AUH: variants seen among roughly 807,000 people sequenced by gnomAD.
AUH encodes the protein methylglutaconyl-CoA hydratase, mitochondrial.
AUH carries 29 observed loss-of-function variants against 42.3 expected under a neutral mutation model. The observed-to-expected ratio is 0.69, with a 90% confidence interval of 0.51 to 0.93. AUH has a LOEUF of 0.93. AUH is among the 40% of genes least tolerant of loss of function. The pLI, the probability that AUH is intolerant of heterozygous loss-of-function variation, is 0.00. For missense variants in AUH, 452 were observed against 438.1 expected (o/e 1.03, Z -0.28); for synonymous variants, 174 against 166.4 (o/e 1.05, Z -0.35).
chr9:91,295,061 A>G (rs1298431190), intron 6 of AUH, among the ~76,000 whole-genome samples: 1 of 152,162 alleles, frequency 6.6e-6, no homozygotes, highest in African/African-American at 2.4e-5. Context: ...GTGGTGAATA[A>G]GTCTCAGGAA....
At chr9:91,289,074 A>G (rs1190834532) in intron 6 of AUH, among the ~76,000 whole-genome samples, 2 of 152,214 alleles carry the variant, frequency 1.3e-5, no homozygotes, top group Non-Finnish European at 2.9e-5. Context: ...AATCAATAGC[A>G]TCACATTAAT....
chr9:91,275,946 A>ATT (rs1825505071), intron 6 of AUH, among the ~76,000 whole-genome samples: 3 of 152,198 alleles, frequency 2.0e-5, no homozygotes, highest in African/African-American at 2.4e-5. Context: ...AAGATAGAGC[A>ATT]ATCTATCCTT....
intron 6 of AUH, among the ~76,000 whole-genome samples, chr9:91,246,334 C>G (rs1192655175): frequency 6.6e-6 from 1 of 152,200 alleles, no homozygotes; most frequent in Non-Finnish European, 1.5e-5. Flanking sequence ...ACAAGACAGG[C>G]CAGCCTCCCC....
chr9:91,272,109 T>C (rs924951011), intron 6 of AUH, among the ~76,000 whole-genome samples: 5 of 152,238 alleles, frequency 3.3e-5, no homozygotes, highest in South Asian at 2.1e-4. Context: ...CCCCTGGAAA[T>C]TGTGTTATTC....
intron 1 of AUH, chr9:91,357,420 C>A: frequency 1.2e-6 from 1 of 849,166 alleles, no homozygotes; most frequent in Non-Finnish European, 1.4e-6. Context: ...TCAGTTTCCT[C>A]AGGAAGAAAA....
intron 6 of AUH, 147 bp downstream of exon 6, chr9:91,295,874 T>C: frequency 1.1e-6 from 1 of 884,678 alleles, no homozygotes; most frequent in Non-Finnish European, 1.8e-6. Flanking sequence ...TGCCTGTAAC[T>C]TGAATGGGGA....
rs1349833298 is a variant in AUH at position 91,266,978 on chromosome 9, G to A, written c.655+29043C>T. ...TGTGTATGTTATATTTTGGTGAGAAGTCTGAGAAGCACAAAGCTACTCAGG... is the reference window on the plus strand; with the variant it reads ...TGTGTATGTTATATTTTGGTGAGAAATCTGAGAAGCACAAAGCTACTCAGG... On this transcript the variant is annotated intron_variant, in intron 6 of 9. Transcript: ENST00000375731. Among the ~76,000 whole-genome samples, 4 of 152,304 alleles carry A rather than the reference G, an allele frequency of 2.6e-5. No homozygotes were observed. In the East Asian group the frequency reaches 7.7e-4, roughly 29 times the overall value.
intron 4 of AUH, among the ~76,000 whole-genome samples, chr9:91,300,785 A>G (rs1397902597): frequency 6.6e-6 from 1 of 152,170 alleles, no homozygotes; most frequent in East Asian, 1.9e-4. Flanking sequence ...AACAGCTCCA[A>G]AAGTCTCCAT....
intron 6 of AUH, among the ~76,000 whole-genome samples, chr9:91,244,860 T>C (rs534008053): frequency 4.1e-4 from 62 of 152,320 alleles, no homozygotes; most frequent in African/African-American, 1.5e-3. Flanking sequence ...GGTGCACCTC[T>C]GAAAAATTAT....
intron 6 of AUH, among the ~76,000 whole-genome samples, chr9:91,221,458 TGTAA>T (rs1827131747): frequency 6.6e-6 from 1 of 152,250 alleles, no homozygotes; most frequent in South Asian, 2.1e-4. Flanking sequence ...GCGAATACAT[TGTAA>T]ACACATTTTA....
chr9:91,352,720 T>C (rs1243588905), intron 3 of AUH, among the ~76,000 whole-genome samples: 1 of 152,148 alleles, frequency 6.6e-6, no homozygotes, highest in Non-Finnish European at 1.5e-5. Flanking sequence ...GAGAGTGGTA[T>C]GAGACAATTC....
chr9:91,231,459 C>G (rs2131291645), intron 6 of AUH, among the ~76,000 whole-genome samples: 1 of 152,334 alleles, frequency 6.6e-6, no homozygotes, highest in South Asian at 2.1e-4. Flanking sequence ...CTGTCTGGCA[C>G]TCCCTAGTGA....
At chr9:91,278,661 AC>A (rs1825733580) in intron 6 of AUH, among the ~76,000 whole-genome samples, 1 of 152,218 alleles carries the variant, frequency 6.6e-6, no homozygotes, top group Admixed American at 6.5e-5. Flanking sequence ...AAATAATGCA[AC>A]TGAAGAATAG....
intron 3 of AUH, among the ~76,000 whole-genome samples, chr9:91,338,116 G>A (rs1830824200): frequency 6.6e-6 from 1 of 152,134 alleles, no homozygotes; most frequent in Admixed American, 6.5e-5. Context: ...GGACTATTCT[G>A]CCACAGGATT....
At chr9:91,332,456 C>G (rs1014225879) in intron 3 of AUH, among the ~76,000 whole-genome samples, 5 of 152,102 alleles carry the variant, frequency 3.3e-5, no homozygotes, top group African/African-American at 1.2e-4. Flanking sequence ...GAGCCAAAAT[C>G]GCACCACTGC....
chr9:91,244,312 A>T (rs1422717511), intron 6 of AUH, among the ~76,000 whole-genome samples: 1 of 152,248 alleles, frequency 6.6e-6, no homozygotes, highest in Admixed American at 6.5e-5. Flanking sequence ...TATCAGTTAA[A>T]ATAACATTGG....
At chr9:91,231,466 G>A (rs1827878372) in intron 6 of AUH, among the ~76,000 whole-genome samples, 1 of 152,180 alleles carries the variant, frequency 6.6e-6, no homozygotes, top group Admixed American at 6.5e-5. Flanking sequence ...GCACTCCCTA[G>A]TGAGATGAAC....
chr9:91,220,617 G>A lies in AUH; in HGVS notation c.843+188C>T, dbSNP rs2281922. Among the ~76,000 whole-genome samples, 11,171 of 152,238 alleles carry A rather than the reference G, an allele frequency of 0.073. 711 individuals are homozygous for A. The highest frequency in any genetic ancestry group is 0.25 in the East Asian group (1,283 of 5,172). Reference sequence around the variant, plus strand: ...AAGACCCTTGGAGCATCTTCAAAGCGTCATCAGAATTCCACAGGATCATAG... The same window carrying A: ...AAGACCCTTGGAGCATCTTCAAAGCATCATCAGAATTCCACAGGATCATAG... On this transcript the variant is annotated intron_variant, in intron 7 of 9. Coordinates refer to ENST00000375731, the MANE Select transcript of AUH (RefSeq NM_001698.3).
At chr9:91,280,873 C>A (rs1825903979) in intron 6 of AUH, among the ~76,000 whole-genome samples, 1 of 152,106 alleles carries the variant, frequency 6.6e-6, no homozygotes, top group South Asian at 2.1e-4. Flanking sequence ...TTATTATTTT[C>A]TGCACATGGA....
Sources: allele counts gnomAD v4.1 joint callset (sites outside exome capture counted in the v4.1 genomes callset), GRCh38; gene constraint gnomAD v4.1.1; transcripts MANE v1.5; gene names NCBI Gene and HGNC (gene_info 2026-07-23, HGNC 2026-07-21).